Variants in NCR1 observed in about 807,000 individuals in gnomAD.
NCR1 encodes the protein natural cytotoxicity triggering receptor 1.
NCR1 carries 30 observed loss-of-function variants against 32.5 expected under a neutral mutation model. The ratio of observed to expected loss-of-function variants is 0.92; its 90% CI spans 0.69 to 1.25. The LOEUF (loss-of-function observed/expected upper bound fraction) is 1.25. NCR1 is among the 50% of genes most tolerant of loss of function. The probability of loss-of-function intolerance (pLI) is 0.00; values close to 1 mark genes in which losing one functional copy is unlikely to be tolerated. For synonymous variants in NCR1, 169 were observed against 143.4 expected, an observed-to-expected ratio of 1.18 and a Z score of -1.28; for missense variants, 369 against 380.7, an observed-to-expected ratio of 0.97 and a Z score of 0.26.
chr19:54,917,213 G>T (rs2068153532), downstream of NCR1, among the ~76,000 whole-genome samples: 1 of 151,640 alleles, frequency 6.6e-6, no homozygotes, highest in Non-Finnish European at 1.5e-5. Flanking sequence ...TACTCGGGAG[G>T]CTGAGGCAGG....
chr19:54,936,752 T>C, the NCR1 span, among the ~76,000 whole-genome samples: 10 of 152,080 alleles, frequency 6.6e-5, no homozygotes, highest in South Asian at 2.1e-3. Flanking sequence ...CCGTCTCTAC[T>C]AAAAATACAA....
At chr19:54,909,863 A>AGGCGGGG (rs1442258808) in intron 4 of NCR1, among the ~76,000 whole-genome samples, 155 bp from the exon 5 acceptor site, 2 of 122,526 alleles carry the variant, frequency 1.6e-5, no homozygotes, top group East Asian at 5.3e-4. Flanking sequence ...TGAACCCGGG[A>AGGCGGGG]GGCGGGGGTT....
chr19:54,923,128 G>C, the NCR1 span, among the ~76,000 whole-genome samples: 2 of 152,170 alleles, frequency 1.3e-5, no homozygotes, highest in South Asian at 4.1e-4. Context: ...AACAGGGCTG[G>C]CTGCCCATGG....
At chr19:54,923,674 T>C in the NCR1 span, 1 of 1,570,810 alleles carries the variant, frequency 6.4e-7, no homozygotes, top group Non-Finnish European at 8.7e-7. Context: ...CTGACCTGCA[T>C]TCATAAGACA....
rs1328937636 is a variant in NCR1 at position 54,912,211 on chromosome 19, C to A, written c.726C>A (p.Leu242=). Residue 242 remains leucine, a synonymous_variant, in exon 6 of 7, where the codon CTC becomes CTA. Coordinates refer to ENST00000291890, the MANE Select transcript of NCR1 (RefSeq NM_004829.7). ...GTYLLTTETG[L]QKDHALWDHT... ...ACCTTTTAACCACAGAGACGGGACT[C>A]CAGAAAGGTAAGTAGACAGCTGGGG... The A allele has an allele frequency of 1.2e-6, 2 of 1,613,682 alleles. No individual in the cohort carries two copies. Among genetic ancestry groups the A allele is most frequent in the South Asian group, 2.2e-5 (2 of 91,058 alleles).
At chr19:54,904,255 AAGAT>A (rs2067404469), upstream of NCR1, among the ~76,000 whole-genome samples, 1 of 151,942 alleles carries the variant, frequency 6.6e-6, no homozygotes, top group Non-Finnish European at 1.5e-5. Context: ...ATCTTTGAAG[AAGAT>A]AGTGTTATCA....
the NCR1 span, chr19:54,938,068 C>T: frequency 1.1e-4 from 170 of 1,613,880 alleles, no homozygotes; most frequent in Non-Finnish European, 1.4e-4. Flanking sequence ...ATGACAGGTG[C>T]TACGGGTTAC....
chr19:54,930,197 T>C, the NCR1 span, among the ~76,000 whole-genome samples: 13 of 151,652 alleles, frequency 8.6e-5, no homozygotes, highest in Admixed American at 7.9e-4. Flanking sequence ...CCAGGCATGA[T>C]GGCTCATGCC....
At chr19:54,924,283 A>G in the NCR1 span, among the ~76,000 whole-genome samples, 1 of 152,170 alleles carries the variant, frequency 6.6e-6, no homozygotes, top group Non-Finnish European at 1.5e-5. Flanking sequence ...AGTTTTCTAA[A>G]AAGAAATTTA....
the NCR1 span, among the ~76,000 whole-genome samples, chr19:54,901,123 G>GCAAAAAAA: frequency 9.8e-6 from 1 of 101,568 alleles, no homozygotes; most frequent in African/African-American, 4.2e-5. Context: ...TCTCTACTTT[G>GCAAAAAAA]AAAAAAAAAA....
the NCR1 span, among the ~76,000 whole-genome samples, chr19:54,929,494 C>T: frequency 6.6e-6 from 1 of 152,076 alleles, no homozygotes; most frequent in Non-Finnish European, 1.5e-5. Context: ...AGGTTGCATC[C>T]AAGAGATGCA....
At chr19:54,903,355 TATAC>T (rs1297794370), upstream of NCR1, among the ~76,000 whole-genome samples, 6 of 125,854 alleles carry the variant, frequency 4.8e-5, no homozygotes, top group African/African-American at 1.4e-4. Context: ...TATATGCATA[TATAC>T]ATACATGTAT....
Position 54,909,414 on chromosome 19 carries a change from C to A in NCR1, c.525C>A (p.Phe175Leu), listed in dbSNP as rs755704753. ...GATACGGGAAGGTCCAGGCGGAGTT[C>A]CCCCTGGGCCCTGTGACCACAGCCC... ...QRGYGKVQAE[F>L]PLGPVTTAHR... is the part of the protein sequence containing the mutation. Residue 175 changes from phenylalanine to leucine, a missense_variant, in exon 4 of 7, where the codon TTC (phenylalanine) becomes TTA (leucine). By Grantham distance (22) the Phe-to-Leu change is conservative (BLOSUM62 0). Transcript: ENST00000291890. 16 of 1,613,688 alleles carry A rather than the reference C, an allele frequency of 9.9e-6. No homozygotes were observed. Among genetic ancestry groups the A allele is most frequent in the African/African-American group, 2.7e-5 (2 of 74,922 alleles).
Position 54,912,193 on chromosome 19 carries a change from A to T in NCR1, c.708A>T (p.Leu236Phe). The change falls in exon 6 of 7, where the codon TTA (leucine) becomes TTT (phenylalanine). Residue 236 changes from leucine (L) to phenylalanine (F), a missense_variant. By Grantham distance (22) the Leu-to-Phe change is conservative. Coordinates refer to ENST00000291890, the MANE Select transcript of NCR1 (RefSeq NM_004829.7). ...FPADTWGTYL[L>F]TTETGLQKDH... ...CAGACACTTGGGGCACCTACCTTTT[A>T]ACCACAGAGACGGGACTCCAGAAAG... 4 of 1,613,974 alleles carry T rather than the reference A, an allele frequency of 2.5e-6. No homozygotes were observed. The highest frequency in any genetic ancestry group is 3.4e-6 in the Non-Finnish European group (4 of 1,179,908).
chr19:54,934,731 A>G, the NCR1 span: 1 of 1,246,034 alleles, frequency 8.0e-7, no homozygotes, highest in Non-Finnish European at 1.1e-6. This position sits in a 1 kb window ranked among gnomAD's most constrained non-coding sequence, Gnocchi z 6.7. Flanking sequence ...TTTTTTTGAG[A>G]CAGAGTTTCA....
chr19:54,928,087 G>T, the NCR1 span, among the ~76,000 whole-genome samples: 84,170 of 151,762 alleles, frequency 0.55, 23,567 homozygotes, highest in East Asian at 0.71. Context: ...ATGCATGGTG[G>T]TGTGTGCCTT....
At chr19:54,929,487 T>A in the NCR1 span, among the ~76,000 whole-genome samples, 355 of 152,090 alleles carry the variant, frequency 2.3e-3, 1 homozygote, top group African/African-American at 8.2e-3. Context: ...GGAAAATAGG[T>A]TGCATCCAAG....
At chr19:54,930,712 A>G in the NCR1 span, 1 of 1,537,408 alleles carries the variant, frequency 6.5e-7, no homozygotes, top group East Asian at 2.3e-5. Flanking sequence ...CCTCTGGCTA[A>G]CGCCCTGTGA....
upstream of NCR1, among the ~76,000 whole-genome samples, chr19:54,902,673 T>C (rs1053266072): frequency 6.6e-6 from 1 of 152,192 alleles, no homozygotes; most frequent in Non-Finnish European, 1.5e-5. Flanking sequence ...GTAACTATGT[T>C]ATGGCTGAGA....
Sources: allele counts gnomAD v4.1 joint callset (sites outside exome capture counted in the v4.1 genomes callset), GRCh38; gene constraint gnomAD v4.1.1; non-coding constraint Gnocchi (gnomAD v3.1); transcripts MANE v1.5; gene names NCBI Gene and HGNC (gene_info 2026-07-23, HGNC 2026-07-21).